The following DLG2 variants were observed in gnomAD, a reference collection of about 807,000 sequenced individuals.
DLG2 encodes discs large MAGUK scaffold protein 2.
In DLG2, 45 loss-of-function variants were observed where a neutral mutation model predicts 132.5. The observed-to-expected ratio is 0.34, with a 90% CI of 0.27 to 0.44. The LOEUF (loss-of-function observed/expected upper bound fraction) is 0.44. Ranked by LOEUF, DLG2 falls within the 20% of genes least tolerant of loss-of-function variation. The pLI, the probability that DLG2 is intolerant of heterozygous loss-of-function variation, is 1.00. For missense variants in DLG2, 1,045 were observed against 1,196.9 expected (o/e 0.87, Z 1.87); for synonymous variants, 424 against 419.6 (o/e 1.01, Z -0.13).
intron 6 of DLG2, among the ~76,000 whole-genome samples, chr11:84,629,947 A>G (rs1160008248): frequency 3.9e-5 from 6 of 152,060 alleles, no homozygotes; most frequent in African/African-American, 1.4e-4. Flanking sequence ...TAAATATAAA[A>G]CACCTCCAAA....
intron 7 of DLG2, among the ~76,000 whole-genome samples, chr11:84,366,324 G>A (rs1378448791): frequency 1.3e-5 from 2 of 151,868 alleles, no homozygotes; most frequent in Non-Finnish European, 2.9e-5. Context: ...CACTAAACAT[G>A]GAAAGGAACA....
chr11:83,699,007 GA>G (rs1273427707), intron 18 of DLG2, among the ~76,000 whole-genome samples: 2 of 151,936 alleles, frequency 1.3e-5, no homozygotes, highest in Admixed American at 1.3e-4. Context: ...AGCAGGGGCA[GA>G]AAAAAAATAG....
chr11:84,135,493 C>T (rs1203351138), intron 9 of DLG2, among the ~76,000 whole-genome samples: 2 of 151,846 alleles, frequency 1.3e-5, no homozygotes, highest in African/African-American at 4.8e-5. Context: ...GAAAGAAGTC[C>T]AAGAGTTAAG....
chr11:84,796,950 G>A (rs1269789065), intron 6 of DLG2, among the ~76,000 whole-genome samples: 4 of 151,972 alleles, frequency 2.6e-5, no homozygotes, highest in African/African-American at 7.2e-5. Context: ...GGGTTCAAGC[G>A]ATTCTCCTAC....
chr11:85,275,722 T>C (rs1049261526), intron 4 of DLG2, among the ~76,000 whole-genome samples: 2 of 152,152 alleles, frequency 1.3e-5, no homozygotes, highest in Admixed American at 1.3e-4. Flanking sequence ...TAGACAGTAA[T>C]ATAATTCATT....
chr11:84,729,256 T>A (rs1296601216), intron 6 of DLG2, among the ~76,000 whole-genome samples: 1 of 152,200 alleles, frequency 6.6e-6, no homozygotes, highest in Admixed American at 6.5e-5. Flanking sequence ...CTGCTTTAAA[T>A]GTGTCCCAGG....
chr11:85,063,049 A>G (rs548704117), intron 6 of DLG2, among the ~76,000 whole-genome samples: 1 of 151,964 alleles, frequency 6.6e-6, no homozygotes, highest in South Asian at 2.1e-4. Context: ...ACTTAACAAA[A>G]TCTTATATTA....
chr11:85,318,477 A>G (rs1490886798), intron 3 of DLG2, among the ~76,000 whole-genome samples: 1 of 151,854 alleles, frequency 6.6e-6, no homozygotes, highest in East Asian at 1.9e-4. Context: ...TTGAGGAATA[A>G]AAGTGCAAAA....
chr11:84,760,361 T>C lies in DLG2; in HGVS notation c.358-225630A>G, dbSNP rs569612631. On this transcript the variant is annotated intron_variant, in intron 6 of 27. Coordinates refer to ENST00000376104, the MANE Select transcript of DLG2 (RefSeq NM_001142699.3). The stretch of plus-strand genomic sequence containing the variant: ...GGCTGTCTGCCCTTTCAGAGATCCA[T>C]TCAAAAGAAAGGGCAAAAAGTCCCC... Among the ~76,000 whole-genome samples, 6 of 152,334 alleles carry C rather than the reference T, an allele frequency of 3.9e-5. No homozygotes were observed. The East Asian group carries it at 9.6e-4, about 24-fold the overall frequency.
At chr11:83,876,198 T>A (rs1199305042) in intron 15 of DLG2, among the ~76,000 whole-genome samples, 2 of 152,154 alleles carry the variant, frequency 1.3e-5, no homozygotes, top group Admixed American at 1.3e-4. Context: ...AGGGTTATTA[T>A]AAGAATTAAA....
intron 11 of DLG2, among the ~76,000 whole-genome samples, chr11:84,040,436 T>C (rs1216862687): frequency 3.3e-5 from 5 of 150,942 alleles, no homozygotes. Flanking sequence ...GCTTTCTACA[T>C]ATGGCTAGCC....
intron 15 of DLG2, among the ~76,000 whole-genome samples, chr11:83,909,459 T>C (rs901404534): frequency 2.0e-5 from 3 of 152,088 alleles, no homozygotes; most frequent in Non-Finnish European, 4.4e-5. Flanking sequence ...CAACTGACAA[T>C]GGAAGCCACT....
At chr11:84,918,228 G>A (rs1199665036) in intron 6 of DLG2, among the ~76,000 whole-genome samples, 1 of 152,096 alleles carries the variant, frequency 6.6e-6, no homozygotes, top group Admixed American at 6.6e-5. Context: ...AAATTTAGTT[G>A]GGGTGAGGGC....
intron 7 of DLG2, among the ~76,000 whole-genome samples, chr11:84,479,273 A>G (rs1309480417): frequency 6.6e-6 from 1 of 152,084 alleles, no homozygotes; most frequent in Admixed American, 6.6e-5. Flanking sequence ...TTAGATAAAT[A>G]CCCTTAACTG....
intron 10 of DLG2, among the ~76,000 whole-genome samples, chr11:84,083,116 T>C (rs1025589691): frequency 3.3e-5 from 5 of 151,762 alleles, no homozygotes; most frequent in African/African-American, 1.2e-4. Context: ...CCCATCTCTA[T>C]TGAAAATACA....
intron 6 of DLG2, among the ~76,000 whole-genome samples, chr11:85,060,862 T>G (rs1418118795): frequency 6.6e-6 from 1 of 151,662 alleles, no homozygotes; most frequent in East Asian, 1.9e-4. Context: ...GGTTTTTCTT[T>G]TTTTGTTGTT....
At chr11:85,620,164 C>A (rs971013994) in intron 2 of DLG2, among the ~76,000 whole-genome samples, 2 of 152,142 alleles carry the variant, frequency 1.3e-5, no homozygotes, top group Non-Finnish European at 2.9e-5. Flanking sequence ...TTATTTGTTA[C>A]AGTGATCTGT....
At chr11:83,661,092 C>A (rs557938643) in intron 18 of DLG2, among the ~76,000 whole-genome samples, 5 of 152,082 alleles carry the variant, frequency 3.3e-5, no homozygotes, top group Non-Finnish European at 7.4e-5. Context: ...AAAATTCAAA[C>A]ACCAAATATA....
intron 9 of DLG2, among the ~76,000 whole-genome samples, chr11:84,119,282 C>G (rs1289276179): frequency 6.6e-6 from 1 of 152,030 alleles, no homozygotes; most frequent in African/African-American, 2.4e-5. Context: ...TTTCACAGCA[C>G]TTAATATTGG....
Sources: gnomAD v4.1 joint callset for allele counts (sites outside exome capture counted in the v4.1 genomes callset) on GRCh38, gnomAD v4.1.1 for gene constraint, MANE v1.5 for transcripts, NCBI Gene and HGNC (gene_info 2026-07-23, HGNC 2026-07-21) for gene names.